EARS2: variants seen among roughly 807,000 people sequenced by gnomAD.
EARS2 encodes the protein nondiscriminating glutamyl-tRNA synthetase EARS2, mitochondrial.
A neutral mutation model predicts 54.1 loss-of-function variants in EARS2; 50 were observed. The ratio of observed to expected loss-of-function variants is 0.92; its 90% CI spans 0.74 to 1.17. EARS2 has a LOEUF of 1.17. Among genes scored for constraint, EARS2 ranks in the 50% most tolerant of loss-of-function variants. The pLI, the probability that EARS2 is intolerant of heterozygous loss-of-function variation, is 0.00. For missense variants in EARS2, 673 were observed against 675.0 expected (o/e 1.00, Z 0.03); for synonymous variants, 298 against 281.0 (o/e 1.06, Z -0.61).
chr16:23,530,031 G>T, intron 5 of EARS2, 134 bp from the exon 6 acceptor site: 1 of 1,079,274 alleles, frequency 9.3e-7, no homozygotes, highest in Non-Finnish European at 1.3e-6. Context: ...CAAGCTAGAA[G>T]AATCTCTTCA....
chr16:23,554,441 A>G (rs1475742687), intron 1 of EARS2, among the ~76,000 whole-genome samples: 1 of 152,070 alleles, frequency 6.6e-6, no homozygotes, highest in Non-Finnish European at 1.5e-5. Flanking sequence ...CTGTCTGAAA[A>G]CTGAAAGTTA....
intron 7 of EARS2, among the ~76,000 whole-genome samples, chr16:23,528,936 C>G (rs1965275287): frequency 6.6e-6 from 1 of 152,162 alleles, no homozygotes; most frequent in Non-Finnish European, 1.5e-5. Context: ...TGATACACAG[C>G]CTCTGCAGGA....
chr16:23,545,026 G>C, intron 2 of EARS2: 1 of 223,788 alleles, frequency 4.5e-6, no homozygotes, highest in South Asian at 1.2e-4. Flanking sequence ...ATTTTTAGTA[G>C]AGACAGCGTT....
At position 23,524,458 on chromosome 16, in the gene EARS2, A is replaced by G. The variant is rs1567376556; in HGVS notation, c.1489-4T>C. The G allele has an allele frequency of 1.9e-6, 3 of 1,613,772 alleles. No individual in the cohort carries two copies. The highest frequency in any genetic ancestry group is 2.5e-6 in the Non-Finnish European group (3 of 1,179,690). Reference sequence around the variant, plus strand: ...TCTCAGCTACAGGAGGTCCTTGCTAAGAACAAAAAGAGCAAATATTGCCTT... The same window carrying G: ...TCTCAGCTACAGGAGGTCCTTGCTAGGAACAAAAAGAGCAAATATTGCCTT... On this transcript the variant is annotated splice_polypyrimidine_tract_variant and splice_region_variant and intron_variant, in intron 8 of 8. Transcript: ENST00000449606.
At position 23,554,674 on chromosome 16, in the gene EARS2, C is replaced by G. The variant is rs561782782; in HGVS notation, c.140-2370G>C. Reference sequence around the variant, plus strand: ...AGAAAACCAGTGGTATTCAGTGGCACTGAGTCCCACGAGTCCCCAAGACAA... The same window carrying G: ...AGAAAACCAGTGGTATTCAGTGGCAGTGAGTCCCACGAGTCCCCAAGACAA... On this transcript the variant is annotated intron_variant, in intron 1 of 8. Transcript: ENST00000449606. 2.0e-5 allele frequency among the ~76,000 whole-genome samples: 3 copies of G among 152,326 alleles called. No homozygotes were observed. The South Asian group carries it at 6.2e-4, about 32-fold the overall frequency.
intron 8 of EARS2, 143 bp downstream of exon 8, chr16:23,525,101 G>A: frequency 9.1e-7 from 1 of 1,094,268 alleles, no homozygotes; most frequent in Non-Finnish European, 1.4e-6. Context: ...AATAGTGTCT[G>A]TTGATTGACT....
At chr16:23,553,944 G>A (rs58498035) in intron 1 of EARS2, among the ~76,000 whole-genome samples, 14,548 of 151,182 alleles carry the variant, frequency 0.096, 1,131 homozygotes, top group African/African-American at 0.21. Context: ...TATGCAGTGT[G>A]CATGACTGTC....
rs1965162831 is a variant in EARS2, at chr16:23,522,920, G to A, written c.*1451C>T. The A allele has an allele frequency of 1.3e-5, 2 of 152,212 alleles. No individual in the cohort carries two copies. Among genetic ancestry groups the A allele is most frequent in the South Asian group, 2.1e-4 (1 of 4,838 alleles). The allele number at this position is 152,212 out of a possible 1,614,324, so 9.4% of individuals were successfully genotyped here. ...TGCACACTCCCATGGCTATTGGTGG[G>A]AGGCCTCGATCCCTTGTCATGTGGA... On this transcript the variant is annotated 3_prime_UTR_variant, in exon 9 of 9. Transcript: ENST00000449606.
At chr16:23,555,967 G>A (rs1965772689) in intron 1 of EARS2, among the ~76,000 whole-genome samples, 1 of 152,166 alleles carries the variant, frequency 6.6e-6, no homozygotes, top group South Asian at 2.1e-4. Flanking sequence ...TTTGTATTTT[G>A]GATGTTTTCA....
At position 23,529,502 on chromosome 16, in the gene EARS2, C is replaced by G; in HGVS notation, c.1352G>C (p.Gly451Ala). ...CTGAGCTCAGCCTGCGGGTACTCACCCCAGCACACGCTTGGCAATCACATC... is the reference window on the plus strand; with the variant it reads ...CTGAGCTCAGCCTGCGGGTACTCACGCCAGCACACGCTTGGCAATCACATC... ...KVDVIAKRVL[G>A]LLERSSMSLT... The change falls in exon 7 of 9, where the codon GGG becomes GCG. Residue 451 changes from glycine to alanine, a missense_variant and splice_region_variant. By Grantham distance (60) the Gly-to-Ala change is moderately conservative (BLOSUM62 0). Transcript: ENST00000449606. 1 of 1,613,440 alleles carries G rather than the reference C, an allele frequency of 6.2e-7. No individual in the cohort carries two copies. The highest frequency in any genetic ancestry group is 8.5e-7 in the Non-Finnish European group (1 of 1,179,672).
intron 5 of EARS2, among the ~76,000 whole-genome samples, chr16:23,532,233 T>C (rs1235818107): frequency 6.6e-6 from 1 of 152,190 alleles, no homozygotes; most frequent in African/African-American, 2.4e-5. Flanking sequence ...GTAGATGCCA[T>C]GAGACAGTGC....
At chr16:23,542,506 G>T (rs1490590315) in intron 3 of EARS2, among the ~76,000 whole-genome samples, 2 of 150,560 alleles carry the variant, frequency 1.3e-5, no homozygotes, top group Non-Finnish European at 3.0e-5. Context: ...AGCAGAGACG[G>T]GGTTTCACCA....
chr16:23,545,178 A>T (rs1965583196), intron 2 of EARS2: 2 of 154,908 alleles, frequency 1.3e-5, no homozygotes, highest in Admixed American at 1.3e-4. Context: ...TAAAACACAG[A>T]GAGGTGAAGC....
intron 3 of EARS2, 129 bp downstream of exon 3, chr16:23,544,385 G>A (rs1965565236): frequency 2.2e-6 from 2 of 925,344 alleles, no homozygotes; most frequent in South Asian, 3.5e-5. Flanking sequence ...AAACAGGTGA[G>A]GCCACGCTCA....
In EARS2 at chr16:23,525,003, C is replaced by G. The variant is rs1467680286; in HGVS notation, c.1488+241G>C. The G allele has an allele frequency of 4.9e-6, 3 of 609,652 alleles. No individual in the cohort carries two copies. The African/African-American group carries it at 5.6e-5, about 11-fold the overall frequency. 37.8% of individuals were successfully genotyped at this position (609,652 alleles called of 1,614,324 possible). A position where few individuals can be genotyped will look rare whatever the true frequency, so the allele number is the denominator to read the frequency against. On this transcript the variant is annotated intron_variant, in intron 8 of 8. Transcript: ENST00000449606. The stretch of plus-strand genomic sequence containing the variant: ...TCTGTTATCCCCAATAAACTGCAAA[C>G]CCCATGGAGGCAGAGATTATGTATG...
At chr16:23,546,845 T>C (rs934433768) in intron 2 of EARS2, among the ~76,000 whole-genome samples, 2 of 152,228 alleles carry the variant, frequency 1.3e-5, no homozygotes, top group Non-Finnish European at 2.9e-5. Flanking sequence ...GCGTGAGCCA[T>C]GGCACCCAGC....
rs1034554746 is a variant in EARS2 at position 23,521,527 on chromosome 16, T to C, written c.*2844A>G. 2.6e-5 allele frequency among the ~76,000 whole-genome samples: 4 copies of C among 152,100 alleles called. No individual in the cohort carries two copies. The highest frequency in any genetic ancestry group is 5.9e-5 in the Non-Finnish European group (4 of 68,008). ...GATCCTCCTACCTTAGTCTCCCAAG[T>C]AGCTGGGACTACAGGCATATGTCAC... On this transcript the variant is annotated 3_prime_UTR_variant, in exon 9 of 9. Coordinates refer to ENST00000449606, the MANE Select transcript of EARS2 (RefSeq NM_001083614.2).
chr16:23,529,449 CAG>C, intron 7 of EARS2, 51 bp downstream of exon 7: 1 of 1,587,180 alleles, frequency 6.3e-7, no homozygotes, highest in Non-Finnish European at 8.6e-7. Context: ...AGCCATGGGA[CAG>C]AGAGAGGGAA....
chr16:23,550,330 G>A (rs1965672762), intron 2 of EARS2, among the ~76,000 whole-genome samples: 1 of 150,114 alleles, frequency 6.7e-6, no homozygotes, highest in Admixed American at 6.7e-5. Flanking sequence ...TTGAACCACT[G>A]CGCTCTAGCC....
Sources: allele counts gnomAD v4.1 joint callset (sites outside exome capture counted in the v4.1 genomes callset), GRCh38; gene constraint gnomAD v4.1.1; transcripts MANE v1.5; gene names NCBI Gene and HGNC (gene_info 2026-07-23, HGNC 2026-07-21).